Variants in ACTL8 observed in about 807,000 individuals in gnomAD.
ACTL8 encodes actin-like protein 8.
A neutral mutation model predicts 9.3 loss-of-function variants in ACTL8; 3 were observed. The ratio of observed to expected loss-of-function variants is 0.32; its 90% CI spans 0.15 to 0.83. ACTL8 has a LOEUF of 0.83. Ranked by LOEUF, ACTL8 falls within the 40% of genes least tolerant of loss-of-function variation. ACTL8 has a pLI of 0.57. For synonymous variants in ACTL8, 224 were observed against 205.9 expected (o/e 1.09, Z -0.75); for missense variants, 381 against 492.2 (o/e 0.77, Z 2.14).
At chr1:17,825,205 G>GA (rs1017153588) in intron 2 of ACTL8, among the ~76,000 whole-genome samples, 25 of 152,168 alleles carry the variant, frequency 1.6e-4, no homozygotes, top group Middle Eastern at 3.4e-3. Flanking sequence ...TTATTTAAAA[G>GA]AAAAAATAAG....
At chr1:17,757,531 G>A (rs1307817098) in intron 1 of ACTL8, among the ~76,000 whole-genome samples, 1 of 121,694 alleles carries the variant, frequency 8.2e-6, no homozygotes. Flanking sequence ...CCTCCGCAGT[G>A]CTGGAGGAGA....
At chr1:17,763,175 C>T (rs530803920) in intron 1 of ACTL8, among the ~76,000 whole-genome samples, 67 of 152,256 alleles carry the variant, frequency 4.4e-4, no homozygotes, top group African/African-American at 1.5e-3. Context: ...GAATTTCTGT[C>T]TTTGGATGGC....
At chr1:17,782,769 A>G (rs1370088076) in intron 1 of ACTL8, among the ~76,000 whole-genome samples, 3 of 152,176 alleles carry the variant, frequency 2.0e-5, no homozygotes, top group African/African-American at 7.2e-5. Context: ...ATCTGCTTCT[A>G]TAGGGGAAAG....
chr1:17,756,228 C>T (rs1278859042), intron 1 of ACTL8, among the ~76,000 whole-genome samples: 1 of 151,792 alleles, frequency 6.6e-6, no homozygotes, highest in African/African-American at 2.4e-5. Context: ...GGGCCTCAGC[C>T]CTGGGGGCCT....
chr1:17,799,761 C>T (rs973064564), intron 1 of ACTL8, among the ~76,000 whole-genome samples: 2 of 152,180 alleles, frequency 1.3e-5, no homozygotes, highest in African/African-American at 4.8e-5. Context: ...TGGGTTCTGT[C>T]CTGTGTTCTC....
chr1:17,802,800 T>G (rs1017268455), intron 1 of ACTL8, among the ~76,000 whole-genome samples: 1 of 152,054 alleles, frequency 6.6e-6, no homozygotes, highest in African/African-American at 2.4e-5. Flanking sequence ...CTGGTCAACA[T>G]GGCGAAACCC....
chr1:17,771,380 C>T (rs987389965), intron 1 of ACTL8, among the ~76,000 whole-genome samples: 1 of 152,028 alleles, frequency 6.6e-6, no homozygotes, highest in Non-Finnish European at 1.5e-5. Flanking sequence ...CGGATTTGGC[C>T]CGTGGGCCAT....
chr1:17,819,441 C>A (rs1022933574), intron 1 of ACTL8, among the ~76,000 whole-genome samples: 1 of 152,170 alleles, frequency 6.6e-6, no homozygotes, highest in Non-Finnish European at 1.5e-5. Flanking sequence ...GCCCTGCAGC[C>A]GGTGACAGCA....
rs2053685198 is a variant in ACTL8 at position 17,823,762 on chromosome 1, C to G, written c.348+406C>G. 6.6e-6 allele frequency among the ~76,000 whole-genome samples: 1 copy of G among 152,012 alleles called. No individual in the cohort carries two copies. Among genetic ancestry groups the G allele is most frequent in the African/African-American group, 2.4e-5 (1 of 41,394 alleles). Reference sequence around the variant, plus strand: ...AACAAACAAAAAAACCCAACAGAAACCAACAAATTGCCCCACAAACATTTC... The same window carrying G: ...AACAAACAAAAAAACCCAACAGAAAGCAACAAATTGCCCCACAAACATTTC... On this transcript the variant is annotated intron_variant, in intron 2 of 2. Transcript: ENST00000375406. This position sits in a 1 kb window ranked among gnomAD's most constrained non-coding sequence, Gnocchi z 5.3.
intron 1 of ACTL8, among the ~76,000 whole-genome samples, chr1:17,795,621 T>G (rs1041189693): frequency 2.6e-5 from 4 of 152,150 alleles, no homozygotes; most frequent in Non-Finnish European, 5.9e-5. Flanking sequence ...ACCAGGAAGC[T>G]GGGATAACAG....
At chr1:17,799,943 G>A (rs982897494) in intron 1 of ACTL8, among the ~76,000 whole-genome samples, 7 of 151,420 alleles carry the variant, frequency 4.6e-5, no homozygotes, top group African/African-American at 1.5e-4. Context: ...CTGCTGTTCC[G>A]TTGGTCTGTC....
At position 17,825,770 on chromosome 1, in the gene ACTL8, C is replaced by T. The variant is rs2053710125; in HGVS notation, c.352C>T (p.Leu118=). 5 of 1,610,772 alleles carry T rather than the reference C, an allele frequency of 3.1e-6. No individual in the cohort carries two copies. The highest frequency in any genetic ancestry group is 4.2e-6 in the Non-Finnish European group (5 of 1,178,162). The change falls in exon 3 of 3, where the codon CTG becomes TTG. Residue 118 remains leucine, a synonymous_variant. Coordinates refer to ENST00000375406, the MANE Select transcript of ACTL8 (RefSeq NM_030812.3). ...AGTGAATTCTCCCTCGTTGCAGATC[C>T]TGTTTGAGTTGCTGCATGTCCCATC... The part of the protein sequence containing the change: ...PADRKKMLEI[L]FELLHVPSVL...
chr1:17,759,193 C>G (rs140779301), intron 1 of ACTL8, among the ~76,000 whole-genome samples: 1 of 152,260 alleles, frequency 6.6e-6, no homozygotes, highest in African/African-American at 2.4e-5. Flanking sequence ...AATCACCCTT[C>G]TTGCCTGCCT....
At chr1:17,817,640 C>CT (rs2066434911) in intron 1 of ACTL8, among the ~76,000 whole-genome samples, 1 of 152,124 alleles carries the variant, frequency 6.6e-6, no homozygotes, top group African/African-American at 2.4e-5. Flanking sequence ...AGGCACAAAT[C>CT]TTTGTCTACA....
chr1:17,772,823 C>T (rs1384396854), intron 1 of ACTL8, among the ~76,000 whole-genome samples: 4 of 152,026 alleles, frequency 2.6e-5, no homozygotes, highest in Non-Finnish European at 4.4e-5. Context: ...GTCTAAGAAC[C>T]GCTTTCTTTT....
At chr1:17,821,641 C>G (rs199917552) in intron 1 of ACTL8, among the ~76,000 whole-genome samples, 2 of 138,328 alleles carry the variant, frequency 1.4e-5, no homozygotes, top group African/African-American at 5.2e-5. Flanking sequence ...CCTTTTTTTT[C>G]TTTTTGAGAT....
intron 1 of ACTL8, among the ~76,000 whole-genome samples, chr1:17,764,273 G>T (rs978361886): frequency 1.3e-5 from 2 of 152,174 alleles, no homozygotes; most frequent in African/African-American, 4.8e-5. Context: ...CCCTGCTGCA[G>T]ACAGTCATCC....
chr1:17,826,906 A>G lies in ACTL8; in HGVS notation c.*387A>G, dbSNP rs1416172482. 6 of 158,868 alleles carry G rather than the reference A, an allele frequency of 3.8e-5. No homozygotes were observed. The highest frequency in any genetic ancestry group is 8.2e-5 in the Non-Finnish European group (6 of 72,802). 9.8% of individuals were successfully genotyped at this position (158,868 alleles called of 1,614,324 possible). A position where few individuals can be genotyped will look rare whatever the true frequency, so the allele number is the denominator to read the frequency against. On this transcript the variant is annotated 3_prime_UTR_variant, in exon 3 of 3. Coordinates refer to ENST00000375406, the MANE Select transcript of ACTL8 (RefSeq NM_030812.3). The surrounding 1 kb of genome is among the most constrained non-coding windows in gnomAD (Gnocchi z 4.5). The stretch of plus-strand genomic sequence containing the variant: ...GGTAGCACTCCTGCTAGGAGTCCCA[A>G]TTATTTTTGACTAGGGGATGGGGGA...
At chr1:17,799,084 G>C (rs757785994) in intron 1 of ACTL8, among the ~76,000 whole-genome samples, 8 of 152,272 alleles carry the variant, frequency 5.3e-5, no homozygotes, top group Non-Finnish European at 8.8e-5. Context: ...ATGCTGTAGA[G>C]AATGCCCTTG....
Sources: allele counts gnomAD v4.1 joint callset (sites outside exome capture counted in the v4.1 genomes callset), GRCh38; gene constraint gnomAD v4.1.1; non-coding constraint Gnocchi (gnomAD v3.1); transcripts MANE v1.5; gene names NCBI Gene and HGNC (gene_info 2026-07-23, HGNC 2026-07-21).